The following MYO10 variants were observed in gnomAD, a reference collection of about 807,000 sequenced individuals.
The protein encoded by MYO10 is unconventional myosin-X.
In MYO10, 133 loss-of-function variants were observed where a neutral mutation model predicts 257.3. The ratio of observed to expected loss-of-function variants is 0.52; its 90% CI spans 0.45 to 0.60. The LOEUF is 0.60. MYO10 is among the 20% of genes least tolerant of loss of function. The pLI is 0.00. For missense variants in MYO10, 2,399 were observed against 2,635.7 expected (o/e 0.91, Z 1.97); for synonymous variants, 1,104 against 1,028.6 (o/e 1.07, Z -1.40).
At chr5:16,678,341 A>T (rs1579805926) in intron 33 of MYO10, among the ~76,000 whole-genome samples, 1 of 151,964 alleles carries the variant, frequency 6.6e-6, no homozygotes, top group Non-Finnish European at 1.5e-5. Flanking sequence ...GCACTCTGGG[A>T]GGCTGAGGTA....
chr5:16,871,430 C>T (rs1744453015), intron 2 of MYO10, among the ~76,000 whole-genome samples: 1 of 152,128 alleles, frequency 6.6e-6, no homozygotes, highest in Non-Finnish European at 1.5e-5. Flanking sequence ...GTCTGAACAA[C>T]ATGGCAAAAC....
chr5:16,762,234 T>C (rs1235292720), intron 15 of MYO10, 121 bp from the exon 16 acceptor site: 54 of 1,291,046 alleles, frequency 4.2e-5, no homozygotes, highest in Non-Finnish European at 4.3e-5. Flanking sequence ...AAACTTGCCA[T>C]GGATCTGCGT....
chr5:16,782,031 G>T (rs1741439559), intron 5 of MYO10, among the ~76,000 whole-genome samples: 1 of 152,198 alleles, frequency 6.6e-6, no homozygotes, highest in Non-Finnish European at 1.5e-5. Context: ...CCATCTTAGT[G>T]AGCGTAGCTG....
At chr5:16,886,112 G>A (rs1391745585) in intron 1 of MYO10, among the ~76,000 whole-genome samples, 1 of 152,210 alleles carries the variant, frequency 6.6e-6, no homozygotes, top group Non-Finnish European at 1.5e-5. Context: ...GAAAGCTTCA[G>A]TTCAGCCACG....
chr5:16,706,610 T>C (rs1369570342), intron 21 of MYO10, among the ~76,000 whole-genome samples: 2 of 152,112 alleles, frequency 1.3e-5, no homozygotes, highest in Non-Finnish European at 2.9e-5. Flanking sequence ...TCAACTCTCA[T>C]GAGTGACACA....
chr5:16,679,524 GT>G (rs33919452), intron 33 of MYO10, among the ~76,000 whole-genome samples: 37,530 of 122,402 alleles, frequency 0.31, 3,784 homozygotes, highest in East Asian at 0.41. Flanking sequence ...TTTTTTGGGT[GT>G]TTTTTTTTTT....
chr5:16,717,689 G>A (rs1318444745), intron 19 of MYO10, among the ~76,000 whole-genome samples: 5 of 152,068 alleles, frequency 3.3e-5, no homozygotes, highest in Non-Finnish European at 7.3e-5. Context: ...TCCTTACTTC[G>A]CATATCAACC....
At chr5:16,693,768 G>A (rs1300826375) in intron 27 of MYO10, among the ~76,000 whole-genome samples, 1 of 152,046 alleles carries the variant, frequency 6.6e-6, no homozygotes, top group Admixed American at 6.6e-5. Context: ...ACAATTTTCT[G>A]GAAACATTAC....
At chr5:16,748,020 A>G (rs550035544) in intron 19 of MYO10, among the ~76,000 whole-genome samples, 1 of 152,108 alleles carries the variant, frequency 6.6e-6, no homozygotes, top group African/African-American at 2.4e-5. Context: ...CCCAAAATTC[A>G]AGGCAAGAAA....
intron 1 of MYO10, among the ~76,000 whole-genome samples, chr5:16,921,299 T>C (rs182272726): frequency 6.6e-6 from 1 of 152,162 alleles, no homozygotes; most frequent in African/African-American, 2.4e-5. Flanking sequence ...TCAGTTTAAT[T>C]ACTCAGTATA....
intron 30 of MYO10, 30 bp downstream of exon 30, chr5:16,683,850 G>A: frequency 1.2e-6 from 2 of 1,611,700 alleles, no homozygotes; most frequent in East Asian, 2.2e-5. Flanking sequence ...GTGATGAGCT[G>A]TTTTTGTTAA....
At chr5:16,903,665 G>C (rs1405098836) in intron 1 of MYO10, among the ~76,000 whole-genome samples, 3 of 152,152 alleles carry the variant, frequency 2.0e-5, no homozygotes, top group African/African-American at 7.2e-5. Context: ...AAATAGTCCA[G>C]CCTAGCACCT....
rs1196340633 is a variant in MYO10, at chr5:16,671,651, C to T, written c.5310-109G>A. 1.2e-5 allele frequency: 16 copies of T among 1,368,656 alleles called. No individual in the cohort carries two copies. In the Admixed American group the frequency reaches 1.3e-4, roughly 11 times the overall value. 84.8% of individuals were successfully genotyped at this position (1,368,656 alleles called of 1,614,324 possible). A position where few individuals can be genotyped will look rare whatever the true frequency, so the allele number is the denominator to read the frequency against. On this transcript the variant is annotated intron_variant, in intron 37 of 40. Transcript: ENST00000513610. ...ATTCTAAGGACACAGACATTCTGTCCGGGCCCAGAAAACAGTGGATAGAGA... is the reference window on the plus strand; with the variant it reads ...ATTCTAAGGACACAGACATTCTGTCTGGGCCCAGAAAACAGTGGATAGAGA...
intron 28 of MYO10, among the ~76,000 whole-genome samples, chr5:16,688,102 G>A (rs1737330158): frequency 6.6e-6 from 1 of 152,094 alleles, no homozygotes; most frequent in Non-Finnish European, 1.5e-5. Flanking sequence ...CCAAACGCTG[G>A]GCCTATAATT....
chr5:16,670,493 A>C, intron 39 of MYO10, 33 bp downstream of exon 39: 1 of 1,553,138 alleles, frequency 6.4e-7, no homozygotes, highest in Non-Finnish European at 8.7e-7. Flanking sequence ...GCCAGCACCC[A>C]GCCCACCCCA....
intron 4 of MYO10, among the ~76,000 whole-genome samples, chr5:16,789,302 T>C (rs141812990): frequency 6.6e-6 from 1 of 152,360 alleles, no homozygotes; most frequent in Non-Finnish European, 1.5e-5. Context: ...CACAAAACTT[T>C]TTGCTGCCAT....
chr5:16,824,604 C>T (rs1365839121), intron 2 of MYO10, among the ~76,000 whole-genome samples: 3 of 152,190 alleles, frequency 2.0e-5, no homozygotes, highest in African/African-American at 7.2e-5. Flanking sequence ...CGCGGTGGCT[C>T]ACGCTTGTAA....
intron 10 of MYO10, among the ~76,000 whole-genome samples, chr5:16,768,414 A>C (rs1740942150): frequency 6.6e-6 from 1 of 152,074 alleles, no homozygotes; most frequent in Admixed American, 6.6e-5. Flanking sequence ...TTAATTAACC[A>C]TTCTACCATG....
In MYO10 at chr5:16,701,909, A is replaced by C. The variant is rs1738100093; in HGVS notation, c.2557-71T>G. 6.7e-7 allele frequency: 1 copy of C among 1,497,534 alleles called. No homozygotes were observed. Among genetic ancestry groups the C allele is most frequent in the Non-Finnish European group, 8.9e-7 (1 of 1,122,500 alleles). The allele number at this position is 1,497,534 out of a possible 1,614,324, so 92.8% of individuals were successfully genotyped here. A position where few individuals can be genotyped will look rare whatever the true frequency, so the allele number is the denominator to read the frequency against. On this transcript the variant is annotated intron_variant, in intron 24 of 40. Transcript: ENST00000513610. The surrounding 1 kb of genome is among the most constrained non-coding windows in gnomAD (Gnocchi z 8.1). ...GTCCAAGCATAGCTCCCGCTTTGCAACCAGGATGAAATATGGTCATTATGA... is the reference window on the plus strand; with the variant it reads ...GTCCAAGCATAGCTCCCGCTTTGCACCCAGGATGAAATATGGTCATTATGA...
Sources: allele counts gnomAD v4.1 joint callset (sites outside exome capture counted in the v4.1 genomes callset), GRCh38; gene constraint gnomAD v4.1.1; non-coding constraint Gnocchi (gnomAD v3.1); transcripts MANE v1.5; gene names NCBI Gene and HGNC (gene_info 2026-07-23, HGNC 2026-07-21).